The following KCNQ3 variants were observed in gnomAD, a reference collection of about 807,000 sequenced individuals.
KCNQ3 encodes potassium voltage-gated channel subfamily Q member 3.
A neutral mutation model predicts 92.5 loss-of-function variants in KCNQ3; 30 were observed. The observed-to-expected ratio is 0.32, with a 90% CI of 0.24 to 0.44. The LOEUF is 0.44. Among genes scored for constraint, KCNQ3 ranks in the 20% least tolerant of loss-of-function variants. The probability of loss-of-function intolerance (pLI) is 1.00; values close to 1 mark genes in which losing one functional copy is unlikely to be tolerated. For missense variants in KCNQ3, 913 were observed against 1,140.3 expected (o/e 0.80, Z 2.87); for synonymous variants, 450 against 468.8 (o/e 0.96, Z 0.52).
intron 1 of KCNQ3, among the ~76,000 whole-genome samples, chr8:132,430,480 G>A (rs944174467): frequency 1.3e-5 from 2 of 152,328 alleles, no homozygotes; most frequent in East Asian, 3.9e-4. Flanking sequence ...ATGATGTTGA[G>A]CAGGTCATTT....
At position 132,129,837 on chromosome 8, in the gene KCNQ3, T is replaced by G. The variant is rs768163501; in HGVS notation, c.2044A>C (p.Thr682Pro). Residue 682 changes from threonine to proline, a missense_variant, in exon 15 of 15, where the codon ACC becomes CCC. Transcript: ENST00000388996. The surrounding 1 kb of genome is among the most constrained non-coding windows in gnomAD (Gnocchi z 5.9). ...GTCTCAGAATAGTTGCAGATGATGG[T>G]TTTCAAATCGGAATACCTGTTGTCC... ...KEDNRYSDLK[T>P]IICNYSETGP... The G allele has an allele frequency of 6.2e-7, 1 of 1,613,990 alleles. No homozygotes were observed. Among genetic ancestry groups the G allele is most frequent in the South Asian group, 1.1e-5 (1 of 91,072 alleles).
chr8:132,412,199 C>T (rs1055984491), intron 1 of KCNQ3, among the ~76,000 whole-genome samples: 3 of 152,160 alleles, frequency 2.0e-5, no homozygotes, highest in Admixed American at 6.5e-5. Flanking sequence ...TAAAATGGTG[C>T]TTCTCCAACA....
intron 1 of KCNQ3, among the ~76,000 whole-genome samples, chr8:132,456,670 C>A (rs755977012): frequency 6.1e-4 from 93 of 151,454 alleles, no homozygotes; most frequent in Non-Finnish European, 1.2e-3. Context: ...TGCAGTGGTG[C>A]GATCTTGGCA....
At chr8:132,268,515 T>G (rs931936030) in intron 1 of KCNQ3, among the ~76,000 whole-genome samples, 2 of 152,176 alleles carry the variant, frequency 1.3e-5, no homozygotes, top group African/African-American at 4.8e-5. Flanking sequence ...TGCCTCGGTC[T>G]CCCAAAGTGC....
At chr8:132,224,351 T>A (rs1041738656) in intron 1 of KCNQ3, among the ~76,000 whole-genome samples, 5 of 152,188 alleles carry the variant, frequency 3.3e-5, no homozygotes, top group African/African-American at 1.2e-4. Flanking sequence ...AATTGCTTTT[T>A]AAAATTTAAT....
chr8:132,220,734 G>A (rs1024107744), intron 1 of KCNQ3, among the ~76,000 whole-genome samples: 43 of 151,964 alleles, frequency 2.8e-4, no homozygotes, highest in African/African-American at 8.2e-4. Context: ...GAGTGACAGC[G>A]TAAGATAAAT....
At chr8:132,440,778 A>C (rs1821517605) in intron 1 of KCNQ3, among the ~76,000 whole-genome samples, 1 of 152,110 alleles carries the variant, frequency 6.6e-6, no homozygotes, top group Non-Finnish European at 1.5e-5. Flanking sequence ...GACAGATGCC[A>C]CTCTGCCACC....
At chr8:132,407,488 C>T (rs543412007) in intron 1 of KCNQ3, among the ~76,000 whole-genome samples, 5 of 152,292 alleles carry the variant, frequency 3.3e-5, no homozygotes, top group East Asian at 1.9e-4. Context: ...ATCTAAGAAC[C>T]GGGTGGTACT....
intron 1 of KCNQ3, among the ~76,000 whole-genome samples, chr8:132,207,049 A>G (rs754986288): frequency 1.3e-5 from 2 of 152,218 alleles, no homozygotes. Context: ...ATGTATAGCC[A>G]TTGTCTTACT....
rs539193984 is a variant in KCNQ3, at chr8:132,440,738, C to T, written c.386+39409G>A. Among the ~76,000 whole-genome samples, 214 of 152,282 alleles carry T rather than the reference C, an allele frequency of 1.4e-3. 1 individual carries two copies. Among genetic ancestry groups the T allele is most frequent in the Non-Finnish European group, 2.5e-3 (167 of 68,026 alleles). On this transcript the variant is annotated intron_variant, in intron 1 of 14. Transcript: ENST00000388996. ...CACACACAGGAGGGGGGTTACTAAC[C>T]CCTTGAAGTCAGCTTCTTCCTGCAA...
intron 1 of KCNQ3, among the ~76,000 whole-genome samples, chr8:132,291,794 A>G (rs959793703): frequency 3.3e-5 from 5 of 152,198 alleles, no homozygotes; most frequent in African/African-American, 1.2e-4. Context: ...TAGGAACCAG[A>G]TGAGAACCTT....
intron 1 of KCNQ3, chr8:132,447,389 A>G (rs1385091353): frequency 2.8e-6 from 2 of 726,576 alleles, no homozygotes; most frequent in African/African-American, 3.5e-5. Context: ...TGGAGAAGAC[A>G]CTGCAAGAAA....
intron 1 of KCNQ3, among the ~76,000 whole-genome samples, chr8:132,312,983 C>A (rs1275902433): frequency 1.3e-5 from 2 of 152,196 alleles, no homozygotes; most frequent in Non-Finnish European, 2.9e-5. Context: ...AAACCATTGT[C>A]TGTGAGGCTC....
At chr8:132,348,808 C>T (rs1274534247) in intron 1 of KCNQ3, among the ~76,000 whole-genome samples, 2 of 152,162 alleles carry the variant, frequency 1.3e-5, no homozygotes, top group African/African-American at 4.8e-5. Flanking sequence ...CATTCCTTTG[C>T]CTTGCTTTTC....
In KCNQ3 at chr8:132,267,260, T is replaced by C. The variant is rs191640116; in HGVS notation, c.387-81079A>G. 2.0e-5 allele frequency among the ~76,000 whole-genome samples: 3 copies of C among 152,312 alleles called. No individual in the cohort carries two copies. The East Asian group carries it at 5.8e-4, about 29-fold the overall frequency. On this transcript the variant is annotated intron_variant, in intron 1 of 14. Coordinates refer to ENST00000388996, the MANE Select transcript of KCNQ3 (RefSeq NM_004519.4). ...ATTTAACCAAGGCCCCTAATTATGT[T>C]AAACCTTCAACACTCAAATTCAGGC...
chr8:132,193,093 C>T (rs981674903), intron 1 of KCNQ3, among the ~76,000 whole-genome samples: 2 of 152,152 alleles, frequency 1.3e-5, no homozygotes, highest in African/African-American at 4.8e-5. Context: ...CCTTGCCCAC[C>T]ACTTCTCCCT....
In KCNQ3 at chr8:132,121,167, A is replaced by G. The variant is rs896004900; in HGVS notation, c.*8095T>C. The G allele has an allele frequency of 6.6e-6, 1 of 152,202 alleles. No individual in the cohort carries two copies. The highest frequency in any genetic ancestry group is 6.5e-5 in the Admixed American group (1 of 15,272). 9.4% of individuals were successfully genotyped at this position (152,202 alleles called of 1,614,324 possible). A position where few individuals can be genotyped will look rare whatever the true frequency, so the allele number is the denominator to read the frequency against. On this transcript the variant is annotated 3_prime_UTR_variant, in exon 15 of 15. Coordinates refer to ENST00000388996, the MANE Select transcript of KCNQ3 (RefSeq NM_004519.4). ...AGGCACCAGAATTCTATGCCATAAA[A>G]AGGGGTTAAAAAATACAATCCAAAA...
In KCNQ3 at chr8:132,382,401, G is replaced by A. The variant is rs148287673; in HGVS notation, c.386+97746C>T. ...TCTCTTGCTCCATCTCTCACCATGC[G>A]ACATGCCTGTTCCCCTTCCCACTTC... On this transcript the variant is annotated intron_variant, in intron 1 of 14. Transcript: ENST00000388996. Among the ~76,000 whole-genome samples the A allele has an allele frequency of 5.6e-3, 856 of 152,198 alleles. 7 individuals carry two copies. Among genetic ancestry groups the A allele is most frequent in the African/African-American group, 0.018 (762 of 41,526 alleles).
intron 1 of KCNQ3, among the ~76,000 whole-genome samples, chr8:132,228,037 A>G (rs958579542): frequency 2.0e-5 from 3 of 152,184 alleles, no homozygotes; most frequent in Non-Finnish European, 2.9e-5. Context: ...AGTTCCCTCA[A>G]CAGTAAATAA....
Sources: allele counts gnomAD v4.1 joint callset (sites outside exome capture counted in the v4.1 genomes callset), GRCh38; gene constraint gnomAD v4.1.1; non-coding constraint Gnocchi (gnomAD v3.1); transcripts MANE v1.5; gene names NCBI Gene and HGNC (gene_info 2026-07-23, HGNC 2026-07-21).